The following PIK3C2G variants were observed in gnomAD, a reference collection of about 807,000 sequenced individuals.
PIK3C2G encodes the protein phosphatidylinositol 3-kinase C2 domain-containing subunit gamma.
A neutral mutation model predicts 181.1 loss-of-function variants in PIK3C2G; 168 were observed. The observed-to-expected ratio is 0.93, with a 90% confidence interval of 0.82 to 1.05. The LOEUF is 1.05. PIK3C2G is among the 50% of genes least tolerant of loss of function. The probability of loss-of-function intolerance (pLI) is 0.00; values close to 1 mark genes in which losing one functional copy is unlikely to be tolerated. For missense variants in PIK3C2G, 1,869 were observed against 1,732.8 expected, an observed-to-expected ratio of 1.08 and a Z score of -1.40; for synonymous variants, 573 against 592.2, an observed-to-expected ratio of 0.97 and a Z score of 0.47.
chr12:18,320,655 C>G (rs1951069127), intron 6 of PIK3C2G, among the ~76,000 whole-genome samples: 1 of 152,184 alleles, frequency 6.6e-6, no homozygotes. Flanking sequence ...TGTGGGAGAA[C>G]TGGTGGCAAA....
Position 18,416,532 on chromosome 12 carries a change from C to T in PIK3C2G, c.2316-4409C>T, listed in dbSNP as rs146640267. Among the ~76,000 whole-genome samples, 74 of 152,294 alleles carry T rather than the reference C, an allele frequency of 4.9e-4. No homozygotes were observed. In the East Asian group the frequency reaches 0.011, roughly 22 times the overall value. ...AGACAAGCTGACTCTCTTGTTAGGA[C>T]TATGCAGCTGGCGATTTTAAATTGA... is the stretch of plus-strand genomic sequence containing the variant. On this transcript the variant is annotated intron_variant, in intron 16 of 32. Coordinates refer to ENST00000538779, the MANE Select transcript of PIK3C2G (RefSeq NM_001288772.2).
the PIK3C2G span, among the ~76,000 whole-genome samples, chr12:18,657,016 C>T: frequency 2.0e-5 from 3 of 152,030 alleles, no homozygotes; most frequent in African/African-American, 7.3e-5. Context: ...TAAAATAGAT[C>T]TCATTCTGAC....
chr12:18,406,986 T>C (rs992917654), intron 16 of PIK3C2G, among the ~76,000 whole-genome samples: 22 of 152,166 alleles, frequency 1.4e-4, no homozygotes, highest in Admixed American at 5.9e-4. Context: ...ATCAGACTTA[T>C]CTGGTTCTAC....
At chr12:18,285,767 G>A (rs1949418813) in intron 2 of PIK3C2G, among the ~76,000 whole-genome samples, 1 of 151,728 alleles carries the variant, frequency 6.6e-6, no homozygotes, top group African/African-American at 2.4e-5. Context: ...AACATGTCAG[G>A]AGAAACAGAA....
chr12:18,690,524 C>T, the PIK3C2G span, among the ~76,000 whole-genome samples: 1 of 152,082 alleles, frequency 6.6e-6, no homozygotes, highest in Non-Finnish European at 1.5e-5. Context: ...CATACCCAGC[C>T]CACATCTCTT....
At chr12:18,295,006 C>T (rs1392974204) in intron 5 of PIK3C2G, among the ~76,000 whole-genome samples, 2 of 150,306 alleles carry the variant, frequency 1.3e-5, no homozygotes, top group African/African-American at 4.9e-5. Flanking sequence ...GGCCTTAAGA[C>T]TATTTTCCTT....
At chr12:18,504,934 T>C (rs527949221) in intron 23 of PIK3C2G, among the ~76,000 whole-genome samples, 14 of 152,324 alleles carry the variant, frequency 9.2e-5, no homozygotes, top group Admixed American at 2.0e-4. Context: ...GGCGTATTGT[T>C]CCTCCTTTTA....
the PIK3C2G span, among the ~76,000 whole-genome samples, chr12:18,700,129 G>A: frequency 6.6e-6 from 1 of 151,990 alleles, no homozygotes; most frequent in Non-Finnish European, 1.5e-5. Flanking sequence ...AATATTTAAT[G>A]TTAAGATAAG....
At chr12:18,267,750 A>T (rs1948565642) in intron 1 of PIK3C2G, among the ~76,000 whole-genome samples, 1 of 152,192 alleles carries the variant, frequency 6.6e-6, no homozygotes, top group South Asian at 2.1e-4. Context: ...GACTATTTTG[A>T]GAAGGTATAC....
At chr12:18,428,225 A>C (rs369277414) in intron 18 of PIK3C2G, among the ~76,000 whole-genome samples, 3 of 151,852 alleles carry the variant, frequency 2.0e-5, no homozygotes, top group African/African-American at 7.3e-5. Context: ...TTAGGGAGTG[A>C]CTGCTTCTGT....
the PIK3C2G span, among the ~76,000 whole-genome samples, chr12:18,709,943 T>C: frequency 6.6e-6 from 1 of 151,976 alleles, no homozygotes; most frequent in Admixed American, 6.6e-5. Context: ...TTTTCTTAAT[T>C]TCTTTCAATT....
rs370630326 is a variant in PIK3C2G at position 18,342,121 on chromosome 12, C to T, written c.1396-1206C>T. Among the ~76,000 whole-genome samples the T allele has an allele frequency of 1.3e-4, 20 of 152,134 alleles. 1 individual carries two copies. The highest frequency in any genetic ancestry group is 4.8e-4 in the African/African-American group (20 of 41,522). On this transcript the variant is annotated intron_variant, in intron 9 of 32. Transcript: ENST00000538779. ...TGTAGGTGGATGTCACGGTGATTTT[C>T]TAATACAAGTTTATATTTCTAAATA...
chr12:18,381,856 T>G lies in PIK3C2G; in HGVS notation c.1971T>G (p.Ser657Arg). 6.2e-7 allele frequency: 1 copy of G among 1,611,708 alleles called. No individual in the cohort carries two copies. Among genetic ancestry groups the G allele is most frequent in the Non-Finnish European group, 8.5e-7 (1 of 1,177,820 alleles). Reference protein sequence around the residue: ...EMITPGVWDVSQPSPVTLQID... With the variant: ...EMITPGVWDVRQPSPVTLQID... ...TAACTCCAGGAGTGTGGGATGTAAG[T>G]CAGCCATCCCCGGTGACCCTGCAGG... is the stretch of plus-strand genomic sequence containing the variant. The change falls in exon 14 of 33, where the codon AGT (serine) becomes AGG (arginine). Residue 657 changes from serine (S) to arginine (R), a missense_variant. Physicochemically the swap from Ser to Arg is moderately radical, Grantham distance 110. Coordinates refer to ENST00000538779, the MANE Select transcript of PIK3C2G (RefSeq NM_001288772.2).
chr12:18,676,792 G>A, the PIK3C2G span, among the ~76,000 whole-genome samples: 3 of 152,082 alleles, frequency 2.0e-5, no homozygotes, highest in Non-Finnish European at 4.4e-5. Context: ...AAACTAGAAG[G>A]TCAGAAGGGA....
intron 24 of PIK3C2G, among the ~76,000 whole-genome samples, chr12:18,522,791 G>C (rs937305913): frequency 1.4e-4 from 21 of 151,904 alleles, no homozygotes; most frequent in Admixed American, 1.2e-3. Flanking sequence ...TCAGATTTGA[G>C]ACATTTTTCA....
At chr12:18,512,687 A>G (rs1274063788) in intron 24 of PIK3C2G, among the ~76,000 whole-genome samples, 1 of 151,920 alleles carries the variant, frequency 6.6e-6, no homozygotes, top group Non-Finnish European at 1.5e-5. Flanking sequence ...CAGTTCTAAC[A>G]GTTCTTTAGT....
intron 11 of PIK3C2G, among the ~76,000 whole-genome samples, chr12:18,357,007 C>A (rs1205956074): frequency 6.6e-6 from 1 of 152,096 alleles, no homozygotes; most frequent in Admixed American, 6.5e-5. Context: ...TAGTATTTTC[C>A]TGCCTCCTGT....
intron 6 of PIK3C2G, 78 bp downstream of exon 6, chr12:18,314,142 C>A: frequency 1.5e-6 from 1 of 689,576 alleles, no homozygotes; most frequent in Admixed American, 2.7e-5. Flanking sequence ...TGAACTATTG[C>A]CAACTTGGAA....
At chr12:18,645,780 C>A (rs954765221) in intron 32 of PIK3C2G, among the ~76,000 whole-genome samples, 3 of 152,110 alleles carry the variant, frequency 2.0e-5, no homozygotes, top group Admixed American at 1.3e-4. Flanking sequence ...CAGTTGACAA[C>A]AGATTCATGA....
Sources: allele counts gnomAD v4.1 joint callset (sites outside exome capture counted in the v4.1 genomes callset), GRCh38; gene constraint gnomAD v4.1.1; transcripts MANE v1.5; gene names NCBI Gene and HGNC (gene_info 2026-07-23, HGNC 2026-07-21).